The following CNTLN variants were observed in gnomAD, a reference collection of about 807,000 sequenced individuals.
The protein encoded by CNTLN is centlein, centrosomal protein.
Under a neutral mutation model 180.0 loss-of-function variants are expected in CNTLN, and 212 were observed. That is an observed-to-expected ratio of 1.18 (90% CI 1.05 to 1.32). The LOEUF (loss-of-function observed/expected upper bound fraction) is 1.32. Ranked by LOEUF, CNTLN falls within the 40% of genes most tolerant of loss-of-function variation. The pLI, the probability that CNTLN is intolerant of heterozygous loss-of-function variation, is 0.00. For synonymous variants in CNTLN, 722 were observed against 563.1 expected (o/e 1.28, Z -3.99); for missense variants, 2,095 against 1,610.9 (o/e 1.30, Z -5.14).
intron 2 of CNTLN, among the ~76,000 whole-genome samples, chr9:17,222,466 G>A (rs1413541043): frequency 6.6e-6 from 1 of 151,996 alleles, no homozygotes; most frequent in Non-Finnish European, 1.5e-5. Flanking sequence ...TGTTCTCGTG[G>A]TAGTGAAATA....
intron 12 of CNTLN, among the ~76,000 whole-genome samples, chr9:17,353,544 C>G (rs371784972): frequency 2.7e-5 from 4 of 150,514 alleles, no homozygotes; most frequent in East Asian, 3.9e-4. Context: ...GTGTCCTTTA[C>G]CTATTTTGAA....
At chr9:17,257,476 C>T (rs1345563159) in intron 5 of CNTLN, among the ~76,000 whole-genome samples, 1 of 151,794 alleles carries the variant, frequency 6.6e-6, no homozygotes, top group African/African-American at 2.4e-5. Context: ...ATTTATAGTC[C>T]TTTGGGTATA....
At chr9:17,201,757 A>G (rs1461668329) in intron 2 of CNTLN, among the ~76,000 whole-genome samples, 1 of 151,358 alleles carries the variant, frequency 6.6e-6, no homozygotes, top group Non-Finnish European at 1.5e-5. Context: ...CTAGTGATCT[A>G]TTTTGTCAAT....
chr9:17,238,571 A>G (rs1267689586), intron 5 of CNTLN, among the ~76,000 whole-genome samples: 1 of 152,194 alleles, frequency 6.6e-6, no homozygotes, highest in Non-Finnish European at 1.5e-5. Flanking sequence ...ATTTTACCAC[A>G]GAATCATATG....
chr9:17,465,555 T>G (rs1250209796), intron 21 of CNTLN, among the ~76,000 whole-genome samples: 3 of 150,192 alleles, frequency 2.0e-5, no homozygotes, highest in African/African-American at 7.3e-5. Flanking sequence ...TATATATATA[T>G]ATAAAATATC....
chr9:17,455,803 G>GTGGCAGGCAGGTTTGGGGAA (rs869305376), intron 18 of CNTLN, among the ~76,000 whole-genome samples: 7,705 of 34,524 alleles, frequency 0.22, 864 homozygotes, highest in African/African-American at 0.27. Context: ...GGTTTGGGGA[G>GTGGCAGGCAGGTTTGGGGAA]TGGCAGGCAG....
At chr9:17,208,679 A>G (rs1256820122) in intron 2 of CNTLN, among the ~76,000 whole-genome samples, 2 of 152,076 alleles carry the variant, frequency 1.3e-5, no homozygotes, top group African/African-American at 2.4e-5. Flanking sequence ...GGATTTCTTC[A>G]TGATTCAATT....
At chr9:17,203,846 C>T (rs1176059658) in intron 2 of CNTLN, among the ~76,000 whole-genome samples, 6 of 152,200 alleles carry the variant, frequency 3.9e-5, no homozygotes, top group Non-Finnish European at 5.9e-5. Context: ...CTTGAGCCAC[C>T]GCACCCGGCC....
chr9:17,444,089 C>G (rs1328598863), intron 18 of CNTLN: 1 of 152,082 alleles, frequency 6.6e-6, no homozygotes, highest in Non-Finnish European at 1.5e-5. Flanking sequence ...AAAAAAAACA[C>G]AAAATCAAAG....
intron 18 of CNTLN, among the ~76,000 whole-genome samples, chr9:17,419,893 A>G (rs1828572562): frequency 6.6e-6 from 1 of 152,120 alleles, no homozygotes; most frequent in South Asian, 2.1e-4. Context: ...AATAATATAC[A>G]GTGTTATTTT....
intron 2 of CNTLN, among the ~76,000 whole-genome samples, chr9:17,220,486 G>T (rs1403592832): frequency 6.6e-6 from 1 of 151,978 alleles, no homozygotes; most frequent in Non-Finnish European, 1.5e-5. Flanking sequence ...AACTTTAAAG[G>T]TAAACTTGTG....
At chr9:17,276,610 T>A (rs1201533967) in intron 6 of CNTLN, among the ~76,000 whole-genome samples, 1 of 152,008 alleles carries the variant, frequency 6.6e-6, no homozygotes, top group East Asian at 1.9e-4. Context: ...TTGCCTAGGT[T>A]ACAGTATAAA....
the CNTLN span, among the ~76,000 whole-genome samples, chr9:17,526,963 C>T: frequency 6.6e-6 from 1 of 151,118 alleles, no homozygotes; most frequent in East Asian, 1.9e-4. Context: ...CTGCAACTTC[C>T]GCCTCCTGGG....
intron 5 of CNTLN, among the ~76,000 whole-genome samples, chr9:17,257,912 TC>T (rs1826633830): frequency 7.3e-6 from 1 of 137,884 alleles, no homozygotes; most frequent in East Asian, 2.0e-4. Context: ...AAAAATTTTC[TC>T]CCATTTTGTG....
At chr9:17,176,052 G>A (rs891233676) in intron 2 of CNTLN, among the ~76,000 whole-genome samples, 17 of 151,798 alleles carry the variant, frequency 1.1e-4, no homozygotes, top group African/African-American at 3.9e-4. Flanking sequence ...GTAAGCAAGT[G>A]GAGTTTTATT....
At chr9:17,407,990 C>T (rs1189163667) in intron 15 of CNTLN, among the ~76,000 whole-genome samples, 1 of 151,616 alleles carries the variant, frequency 6.6e-6, no homozygotes, top group South Asian at 2.1e-4. Flanking sequence ...AGCCAGGCAT[C>T]GTGGTGGGCA....
chr9:17,430,955 G>T (rs1253473449), intron 18 of CNTLN, among the ~76,000 whole-genome samples: 1 of 152,036 alleles, frequency 6.6e-6, no homozygotes, highest in Admixed American at 6.5e-5. Context: ...TTCATCTGTT[G>T]TTGGATAACT....
At chr9:17,193,574 C>G (rs1821927014) in intron 2 of CNTLN, among the ~76,000 whole-genome samples, 1 of 152,152 alleles carries the variant, frequency 6.6e-6, no homozygotes, top group East Asian at 1.9e-4. Context: ...GGTGAGTTCC[C>G]ATGGTCTTGG....
chr9:17,143,454 T>C, intron 2 of CNTLN, 78 bp downstream of exon 2: 1 of 974,850 alleles, frequency 1.0e-6, no homozygotes, highest in Non-Finnish European at 1.6e-6. Flanking sequence ...TTAGTACTTA[T>C]CATTAATCTC....
Sources: gnomAD v4.1 joint callset for allele counts (sites outside exome capture counted in the v4.1 genomes callset) on GRCh38, gnomAD v4.1.1 for gene constraint, MANE v1.5 for transcripts, NCBI Gene and HGNC (gene_info 2026-07-23, HGNC 2026-07-21) for gene names.